ANO10: variants seen among roughly 807,000 people sequenced by gnomAD.
ANO10 encodes anoctamin-10.
A neutral mutation model predicts 74.7 loss-of-function variants in ANO10; 77 were observed. The observed-to-expected ratio is 1.03, with a 90% CI of 0.86 to 1.25. The LOEUF is 1.25. Among genes scored for constraint, ANO10 ranks in the 50% most tolerant of loss-of-function variants. ANO10 has a pLI of 0.00. For synonymous variants in ANO10, 279 were observed against 284.9 expected (o/e 0.98, Z 0.21); for missense variants, 721 against 778.1 (o/e 0.93, Z 0.87).
At chr3:43,513,564 C>CA (rs1225205442) in intron 11 of ANO10, among the ~76,000 whole-genome samples, 2 of 152,052 alleles carry the variant, frequency 1.3e-5, no homozygotes, top group African/African-American at 4.8e-5. Context: ...GGCTGGAGTG[C>CA]AGTGGCATGA....
intron 11 of ANO10, among the ~76,000 whole-genome samples, chr3:43,542,602 A>T (rs1057348424): frequency 1.3e-5 from 2 of 152,168 alleles, no homozygotes; most frequent in African/African-American, 4.8e-5. Context: ...CTTCTTGTGT[A>T]CACTACCAAT....
At chr3:43,566,320 G>T (rs1376972261) in intron 7 of ANO10, among the ~76,000 whole-genome samples, 5 of 152,214 alleles carry the variant, frequency 3.3e-5, no homozygotes, top group Admixed American at 6.5e-5. Flanking sequence ...AGCTCGAACT[G>T]GGTGGAGCCC....
At chr3:43,409,136 GTTAAT>G (rs1156471694) in intron 12 of ANO10, among the ~76,000 whole-genome samples, 1 of 152,200 alleles carries the variant, frequency 6.6e-6, no homozygotes, top group African/African-American at 2.4e-5. Context: ...AGTACCTAAA[GTTAAT>G]TTAAACACAC....
intron 4 of ANO10, among the ~76,000 whole-genome samples, chr3:43,585,341 G>C (rs1296766674): frequency 6.6e-6 from 1 of 150,450 alleles, no homozygotes; most frequent in Non-Finnish European, 1.5e-5. Context: ...GAAAGGGAAG[G>C]GAGAAGAGAG....
At chr3:43,383,315 A>G (rs2089335) in intron 12 of ANO10, among the ~76,000 whole-genome samples, 149,316 of 152,130 alleles carry the variant, frequency 0.98, 73,342 homozygotes, top group South Asian at 1. Flanking sequence ...TTAGCTGGGC[A>G]TGGTGGCAGG....
intron 11 of ANO10, among the ~76,000 whole-genome samples, chr3:43,543,078 T>C (rs1363893950): frequency 6.6e-6 from 1 of 152,200 alleles, no homozygotes; most frequent in Non-Finnish European, 1.5e-5. Flanking sequence ...AGTATAGGGA[T>C]AGAATCCACA....
intron 11 of ANO10, among the ~76,000 whole-genome samples, chr3:43,489,034 A>G (rs2076612741): frequency 6.6e-6 from 1 of 151,790 alleles, no homozygotes; most frequent in East Asian, 1.9e-4. Flanking sequence ...CATGGATGAA[A>G]TTGGAAAACA....
chr3:43,372,128 T>C (rs2091634243), intron 12 of ANO10, among the ~76,000 whole-genome samples: 1 of 152,180 alleles, frequency 6.6e-6, no homozygotes. Flanking sequence ...CAAGTGCCAG[T>C]GCTCCAGCTC....
intron 11 of ANO10, among the ~76,000 whole-genome samples, chr3:43,541,370 T>C (rs1475279526): frequency 6.6e-6 from 1 of 152,188 alleles, no homozygotes; most frequent in African/African-American, 2.4e-5. Flanking sequence ...CCTCCTAAGT[T>C]TGTAGAAGTA....
rs559211767 is a variant in ANO10 at position 43,530,023 on chromosome 3, G to A, written c.1797+19697C>T. On this transcript the variant is annotated intron_variant, in intron 11 of 12. Transcript: ENST00000292246. ...GCAAAACTAAACCCAATTCTATGCT[G>A]TATACAAGAGACACACTTAGAGTGA... Among the ~76,000 whole-genome samples the A allele has an allele frequency of 2.6e-5, 4 of 152,160 alleles. No homozygotes were observed. In the South Asian group the frequency reaches 6.2e-4, roughly 24 times the overall value.
At chr3:43,651,440 G>C (rs2083785596) in intron 1 of ANO10, among the ~76,000 whole-genome samples, 1 of 152,190 alleles carries the variant, frequency 6.6e-6, no homozygotes, top group Non-Finnish European at 1.5e-5. Context: ...AGTATTGAAA[G>C]GGATGCTGTT....
chr3:43,525,370 C>T (rs955336985), intron 11 of ANO10, among the ~76,000 whole-genome samples: 1 of 152,152 alleles, frequency 6.6e-6, no homozygotes, highest in Non-Finnish European at 1.5e-5. Flanking sequence ...TTTCAGACTC[C>T]GGACAAGGTC....
At chr3:43,522,203 A>T (rs1004329501) in intron 11 of ANO10, among the ~76,000 whole-genome samples, 1 of 152,080 alleles carries the variant, frequency 6.6e-6, no homozygotes, top group Non-Finnish European at 1.5e-5. Flanking sequence ...GTAATGAAAA[A>T]GTTTTGGAAA....
At chr3:43,662,920 A>T (rs1296841396) in intron 1 of ANO10, among the ~76,000 whole-genome samples, 1 of 152,232 alleles carries the variant, frequency 6.6e-6, no homozygotes, top group Non-Finnish European at 1.5e-5. Context: ...AACCAAAAAA[A>T]GTTCAAGACC....
intron 11 of ANO10, among the ~76,000 whole-genome samples, chr3:43,534,555 G>A (rs1335004170): frequency 6.6e-6 from 1 of 152,150 alleles, no homozygotes; most frequent in Non-Finnish European, 1.5e-5. Context: ...GGGAGGAGCA[G>A]CCATGTCTCT....
At chr3:43,431,099 G>A (rs533581134) in intron 12 of ANO10, among the ~76,000 whole-genome samples, 15 of 149,424 alleles carry the variant, frequency 1.0e-4, no homozygotes, top group Admixed American at 3.3e-4. Context: ...TTGAGACAAG[G>A]TCTCACTCTG....
rs368738226 is a variant in ANO10, at chr3:43,632,975, C to T, written c.-11-27112G>A. ...TTAAATATAACAGCAACCTTTAGAT[C>T]AAATCAATTATAGTCAGGTATTTCG... On this transcript the variant is annotated intron_variant, in intron 1 of 3. Transcript: ENST00000413397. 1.2e-4 allele frequency among the ~76,000 whole-genome samples: 19 copies of T among 152,208 alleles called. No individual in the cohort carries two copies. In the South Asian group the frequency reaches 2.3e-3, roughly 18 times the overall value.
chr3:43,441,312 T>C (rs530889701), intron 11 of ANO10, among the ~76,000 whole-genome samples: 1 of 151,272 alleles, frequency 6.6e-6, no homozygotes, highest in East Asian at 1.9e-4. Context: ...AAAAGACTCA[T>C]ATACCAAAAA....
intron 4 of ANO10, among the ~76,000 whole-genome samples, chr3:43,593,405 G>T (rs1390123910): frequency 1.3e-5 from 2 of 152,218 alleles, no homozygotes; most frequent in East Asian, 3.8e-4. Context: ...ACTAACAGCA[G>T]ATCTCTCAGC....
Sources: gnomAD v4.1 joint callset for allele counts (sites outside exome capture counted in the v4.1 genomes callset) on GRCh38, gnomAD v4.1.1 for gene constraint, MANE v1.5 for transcripts, NCBI Gene and HGNC (gene_info 2026-07-23, HGNC 2026-07-21) for gene names.